DPP6: variants seen among roughly 807,000 people sequenced by gnomAD.
The protein encoded by DPP6 is A-type potassium channel modulatory protein DPP6.
Under a neutral mutation model 122.6 loss-of-function variants are expected in DPP6, and 69 were observed. The observed-to-expected ratio is 0.56, with a 90% CI of 0.46 to 0.69. The LOEUF (loss-of-function observed/expected upper bound fraction) is 0.69. DPP6 is among the 30% of genes least tolerant of loss of function. DPP6 has a pLI of 0.00. For missense variants in DPP6, 928 were observed against 1,116.9 expected, an observed-to-expected ratio of 0.83 and a Z score of 2.41; for synonymous variants, 418 against 433.1, an observed-to-expected ratio of 0.97 and a Z score of 0.43.
At chr7:154,580,403 G>A (rs766232038) in intron 5 of DPP6, among the ~76,000 whole-genome samples, 11 of 152,162 alleles carry the variant, frequency 7.2e-5, no homozygotes, top group Non-Finnish European at 1.5e-4. Context: ...ACGTCTTTGT[G>A]AATGATGAAT....
At chr7:153,940,114 G>A (rs1801630321) in intron 1 of DPP6, among the ~76,000 whole-genome samples, 1 of 152,148 alleles carries the variant, frequency 6.6e-6, no homozygotes, top group African/African-American at 2.4e-5. Context: ...TTTTGAGTCT[G>A]TCTGCAGGGA....
the DPP6 span, among the ~76,000 whole-genome samples, chr7:153,836,139 G>T: frequency 6.6e-6 from 1 of 152,126 alleles, no homozygotes; most frequent in Non-Finnish European, 1.5e-5. Context: ...ACATTTATAC[G>T]TGCACACTCA....
intron 1 of DPP6, among the ~76,000 whole-genome samples, chr7:154,255,541 T>A (rs1027584129): frequency 1.3e-5 from 2 of 151,950 alleles, no homozygotes; most frequent in Middle Eastern, 3.2e-3. Flanking sequence ...AGGGAGCAGG[T>A]GTTACCCTTG....
At chr7:154,772,502 C>A (rs1289626983) in intron 9 of DPP6, among the ~76,000 whole-genome samples, 1 of 152,198 alleles carries the variant, frequency 6.6e-6, no homozygotes, top group Non-Finnish European at 1.5e-5. Context: ...CTCCAACTCT[C>A]CCCTTCCTGG....
chr7:154,190,353 G>A (rs780275918), intron 1 of DPP6, among the ~76,000 whole-genome samples: 18 of 152,022 alleles, frequency 1.2e-4, no homozygotes, highest in African/African-American at 2.9e-4. Context: ...AAAAGAGAGC[G>A]TTTATATAAC....
chr7:154,132,248 TCTGA>T (rs1159330153), intron 1 of DPP6, among the ~76,000 whole-genome samples: 6 of 152,334 alleles, frequency 3.9e-5, no homozygotes, highest in African/African-American at 1.4e-4. Context: ...TTAATATTGA[TCTGA>T]CTATGTATTT....
At chr7:154,411,824 T>C (rs1017668478) in intron 1 of DPP6, among the ~76,000 whole-genome samples, 3 of 152,170 alleles carry the variant, frequency 2.0e-5, no homozygotes, top group Admixed American at 6.5e-5. Context: ...TGGGCGCTAA[T>C]AATACTTATT....
At chr7:154,050,063 T>TG (rs1170111119), upstream of DPP6, among the ~76,000 whole-genome samples, 8 of 152,212 alleles carry the variant, frequency 5.3e-5, no homozygotes. Flanking sequence ...CTTTCACACC[T>TG]GCATCTTTCA....
chr7:153,872,962 A>G, the DPP6 span, among the ~76,000 whole-genome samples: 1 of 152,226 alleles, frequency 6.6e-6, no homozygotes, highest in Non-Finnish European at 1.5e-5. Context: ...ACTGCTACAA[A>G]GAAATACCTG....
chr7:154,172,204 T>C (rs1797570466), intron 1 of DPP6, among the ~76,000 whole-genome samples: 1 of 152,084 alleles, frequency 6.6e-6, no homozygotes, highest in Non-Finnish European at 1.5e-5. Context: ...TGCCAGGGGC[T>C]GTGGAGTATT....
At chr7:154,142,507 G>A (rs868337202) in intron 1 of DPP6, among the ~76,000 whole-genome samples, 2 of 152,230 alleles carry the variant, frequency 1.3e-5, no homozygotes, top group South Asian at 4.1e-4. Context: ...GATTCTGAAA[G>A]CTACAAAATA....
At chr7:154,115,370 A>C (rs1440260739) in intron 1 of DPP6, among the ~76,000 whole-genome samples, 7 of 152,212 alleles carry the variant, frequency 4.6e-5, no homozygotes, top group Non-Finnish European at 1.5e-5. Flanking sequence ...AATTTTGTCA[A>C]AGGACTCCTC....
chr7:154,534,480 C>A (rs1334189449), intron 3 of DPP6, among the ~76,000 whole-genome samples: 1 of 151,984 alleles, frequency 6.6e-6, no homozygotes, highest in Non-Finnish European at 1.5e-5. Flanking sequence ...TATGTTAAAA[C>A]CCTAAGAAGT....
chr7:154,747,993 A>G (rs1843114303), intron 8 of DPP6, among the ~76,000 whole-genome samples: 1 of 152,216 alleles, frequency 6.6e-6, no homozygotes, highest in Non-Finnish European at 1.5e-5. Context: ...ATAAAGGGGT[A>G]CAAGCTGTCA....
At position 154,062,712 on chromosome 7, in the gene DPP6, G is replaced by A. The variant is rs559281393; in HGVS notation, c.243+9649G>A. Among the ~76,000 whole-genome samples the A allele has an allele frequency of 1.9e-4, 12 of 63,572 alleles. 3 individuals are homozygous for A. Among genetic ancestry groups the A allele is most frequent in the South Asian group, 7.2e-4 (1 of 1,390 alleles). The allele number at this position is 63,572 out of a possible 152,430, so 41.7% of individuals were successfully genotyped here. Reference sequence around the variant, plus strand: ...ATCCTCTCTTCCGCACCTGGCTGTTGGTACCCCCATCGTAGGGGGGGGGAG... The same window carrying A: ...ATCCTCTCTTCCGCACCTGGCTGTTAGTACCCCCATCGTAGGGGGGGGGAG... On this transcript the variant is annotated intron_variant, in intron 1 of 25. Transcript: ENST00000377770.
intron 1 of DPP6, among the ~76,000 whole-genome samples, chr7:154,317,379 C>T (rs1017723585): frequency 7.2e-5 from 11 of 152,108 alleles, no homozygotes; most frequent in African/African-American, 2.7e-4. Context: ...ATAAATTGGA[C>T]AGAAAATAAG....
chr7:154,183,143 T>A (rs567625995), intron 1 of DPP6, among the ~76,000 whole-genome samples: 1 of 152,320 alleles, frequency 6.6e-6, no homozygotes, highest in African/African-American at 2.4e-5. Context: ...TTGGCCTCCA[T>A]CACTTTTCTC....
the DPP6 span, among the ~76,000 whole-genome samples, chr7:153,785,046 T>C: frequency 2.6e-5 from 4 of 152,224 alleles, no homozygotes; most frequent in East Asian, 5.8e-4. Flanking sequence ...CAGTAATCAA[T>C]AGTAGATTAT....
rs1239092147 is a variant in DPP6, at chr7:154,241,436, T to C, written c.243+188373T>C. On this transcript the variant is annotated intron_variant, in intron 1 of 25. Transcript: ENST00000377770. The surrounding 1 kb of genome is among the most constrained non-coding windows in gnomAD (Gnocchi z 9.0). ...CACACCTGGCGTGGAGGTGAGCACC[T>C]GTAGTCCTGGCTATTTGGGAGGCGG... 2.0e-5 allele frequency among the ~76,000 whole-genome samples: 3 copies of C among 152,048 alleles called. No homozygotes were observed. In the East Asian group the frequency reaches 5.8e-4, roughly 29 times the overall value.
Sources: gnomAD v4.1 joint callset for allele counts (sites outside exome capture counted in the v4.1 genomes callset) on GRCh38, gnomAD v4.1.1 for gene constraint, Gnocchi (gnomAD v3.1) non-coding constraint, MANE v1.5 for transcripts, NCBI Gene and HGNC (gene_info 2026-07-23, HGNC 2026-07-21) for gene names.